The following FBP2 variants were observed in gnomAD, a reference collection of about 807,000 sequenced individuals.
FBP2 encodes the protein fructose-bisphosphatase 2.
A neutral mutation model predicts 31.6 loss-of-function variants in FBP2; 27 were observed. That is an observed-to-expected ratio of 0.85 (90% confidence interval 0.63 to 1.18). FBP2 has a LOEUF of 1.18. Ranked by LOEUF, FBP2 falls within the 50% of genes most tolerant of loss-of-function variation. FBP2 has a pLI of 0.00. For missense variants in FBP2, 421 were observed against 436.1 expected (o/e 0.97, Z 0.31); for synonymous variants, 168 against 179.8 (o/e 0.93, Z 0.53).
chr9:94,571,223 A>C (rs1488697064), intron 4 of FBP2, among the ~76,000 whole-genome samples: 1 of 152,160 alleles, frequency 6.6e-6, no homozygotes, highest in Non-Finnish European at 1.5e-5. Flanking sequence ...CCTTAAGGAG[A>C]GGGCCTGAGT....
intron 3 of FBP2, among the ~76,000 whole-genome samples, chr9:94,572,234 A>C (rs542468991): frequency 2.0e-5 from 3 of 151,984 alleles, no homozygotes; most frequent in Non-Finnish European, 2.9e-5. Context: ...GGTACATCCA[A>C]CCGGTGCAAA....
intron 2 of FBP2, among the ~76,000 whole-genome samples, chr9:94,585,537 AG>A (rs545958747): frequency 1.3e-5 from 2 of 148,334 alleles, no homozygotes; most frequent in African/African-American, 2.5e-5. Context: ...GAGAGCCATG[AG>A]GGGGGGTCAC....
intron 1 of FBP2, among the ~76,000 whole-genome samples, chr9:94,592,100 C>T (rs1827510072): frequency 6.6e-6 from 1 of 152,182 alleles, no homozygotes; most frequent in South Asian, 2.1e-4. Flanking sequence ...GGCAAAGTCC[C>T]TGTCTACCGT....
chr9:94,588,690 G>A (rs774418868), intron 1 of FBP2, among the ~76,000 whole-genome samples: 5 of 152,078 alleles, frequency 3.3e-5, no homozygotes, highest in Admixed American at 6.5e-5. Context: ...TTCCACCCTC[G>A]CCCCTTCAGG....
At position 94,593,811 on chromosome 9, in the gene FBP2, G is replaced by T. The variant is rs527469627; in HGVS notation, c.-85C>A. On this transcript the variant is annotated 5_prime_UTR_variant, in exon 1 of 7. Transcript: ENST00000375337. ...GCTGCAGCTCCGCAGTGTGGAAGCC[G>T]ATAAGAAATCTGTGCTGGCCCTGCC... 6.1e-6 allele frequency: 9 copies of T among 1,469,518 alleles called. No individual in the cohort carries two copies. The East Asian group carries it at 1.2e-4, about 19-fold the overall frequency. The allele number at this position is 1,469,518 out of a possible 1,614,324, so 91.0% of individuals were successfully genotyped here. A position where few individuals can be genotyped will look rare whatever the true frequency, so the allele number is the denominator to read the frequency against.
intron 3 of FBP2, among the ~76,000 whole-genome samples, chr9:94,582,646 C>T (rs1827384184): frequency 6.7e-6 from 1 of 149,466 alleles, no homozygotes; most frequent in Non-Finnish European, 1.5e-5. Context: ...CTCCTGGGTT[C>T]ACGCCATTCT....
intron 5 of FBP2, among the ~76,000 whole-genome samples, chr9:94,564,372 G>A (rs937734599): frequency 6.6e-6 from 1 of 152,176 alleles, no homozygotes; most frequent in African/African-American, 2.4e-5. Context: ...TATGTTCACT[G>A]CAACACTATT....
Position 94,585,393 on chromosome 9 carries a change from G to A in FBP2, c.334-724C>T, listed in dbSNP as rs117510492. ...TGGGGTTTGTTTCCGGGGGGTCAGC[G>A]ATCCCGGCAGCAAGGCTGGATTTCA... is the stretch of plus-strand genomic sequence containing the variant. On this transcript the variant is annotated intron_variant, in intron 2 of 6. Coordinates refer to ENST00000375337, the MANE Select transcript of FBP2 (RefSeq NM_003837.4). Among the ~76,000 whole-genome samples, 9 of 152,246 alleles carry A rather than the reference G, an allele frequency of 5.9e-5. No homozygotes were observed. The East Asian group carries it at 1.2e-3, about 20-fold the overall frequency.
intron 1 of FBP2, among the ~76,000 whole-genome samples, chr9:94,591,612 A>G (rs116583769): frequency 0.03 from 4,512 of 152,286 alleles, 200 homozygotes; most frequent in African/African-American, 0.1. Context: ...GGGGGCTGAA[A>G]GGCTCCTCAA....
At chr9:94,590,695 A>C (rs1352665011) in intron 1 of FBP2, among the ~76,000 whole-genome samples, 1 of 152,188 alleles carries the variant, frequency 6.6e-6, no homozygotes, top group Non-Finnish European at 1.5e-5. Context: ...GAGCGAAAGA[A>C]CAAAGCCTCC....
chr9:94,559,157 G>C, intron 6 of FBP2, 25 bp from the exon 7 acceptor site: 1 of 1,598,098 alleles, frequency 6.3e-7, no homozygotes, highest in South Asian at 1.1e-5. Context: ...AGGCAGGTGA[G>C]TAAACTCTGC....
At chr9:94,573,874 T>C (rs1000957324) in intron 3 of FBP2, among the ~76,000 whole-genome samples, 2 of 152,230 alleles carry the variant, frequency 1.3e-5, no homozygotes, top group Non-Finnish European at 2.9e-5. Context: ...TTATCTTTTC[T>C]GGAAGAGACT....
intron 4 of FBP2, chr9:94,570,095 T>C (rs1334634128): frequency 3.3e-5 from 5 of 152,218 alleles, no homozygotes; most frequent in African/African-American, 1.2e-4. Context: ...CTTCCTTCTG[T>C]CATGTTGACA....
chr9:94,581,111 T>C (rs916858640), intron 3 of FBP2, among the ~76,000 whole-genome samples: 9 of 152,232 alleles, frequency 5.9e-5, no homozygotes, highest in Non-Finnish European at 1.0e-4. Context: ...TTCCTGTCAT[T>C]CTCAGAACTA....
chr9:94,593,767 AC>A lies in FBP2; in HGVS notation c.-42del. The A allele has an allele frequency of 6.2e-7, 1 of 1,607,134 alleles. No homozygotes were observed. The highest frequency in any genetic ancestry group is 8.5e-7 in the Non-Finnish European group (1 of 1,175,958). On this transcript the variant is annotated 5_prime_UTR_variant, in exon 1 of 7. Transcript: ENST00000375337. ...TCAAATCCTTTTCTCCCGGCAGGAAACCTTGCTTACTTCTGAGGGCTGCAGC... is the reference window on the plus strand; with the variant it reads ...TCAAATCCTTTTCTCCCGGCAGGAAACTTGCTTACTTCTGAGGGCTGCAGC...
chr9:94,582,181 G>A (rs1827377712), intron 3 of FBP2, among the ~76,000 whole-genome samples: 1 of 152,178 alleles, frequency 6.6e-6, no homozygotes, highest in Non-Finnish European at 1.5e-5. Context: ...CACACTGTGT[G>A]CCTTTATGTC....
intron 5 of FBP2, 105 bp from the exon 6 acceptor site, chr9:94,563,566 C>T: frequency 8.1e-7 from 1 of 1,240,716 alleles, no homozygotes; most frequent in Non-Finnish European, 1.1e-6. Context: ...CTTCTTGAAT[C>T]CCTATCCTCC....
Position 94,587,742 on chromosome 9 carries a change from G to T in FBP2, c.171-273C>A, listed in dbSNP as rs561979288. On this transcript the variant is annotated intron_variant, in intron 1 of 6. Coordinates refer to ENST00000375337, the MANE Select transcript of FBP2 (RefSeq NM_003837.4). Reference sequence around the variant, plus strand: ...TAAAACACAAACCCAGTCTCAGCACGAGGAGATGGAGCAGATGGGGGGACT... The same window carrying T: ...TAAAACACAAACCCAGTCTCAGCACTAGGAGATGGAGCAGATGGGGGGACT... 2.6e-5 allele frequency among the ~76,000 whole-genome samples: 4 copies of T among 152,162 alleles called. 1 individual carries two copies. Among genetic ancestry groups the T allele is most frequent in the African/African-American group, 9.7e-5 (4 of 41,430 alleles).
At chr9:94,565,926 A>G (rs763318480) in intron 5 of FBP2, among the ~76,000 whole-genome samples, 5 of 152,070 alleles carry the variant, frequency 3.3e-5, no homozygotes, top group Non-Finnish European at 7.4e-5. Flanking sequence ...ACACCCATTC[A>G]TTTTTACAAC....
Sources: gnomAD v4.1 joint callset for allele counts (sites outside exome capture counted in the v4.1 genomes callset) on GRCh38, gnomAD v4.1.1 for gene constraint, MANE v1.5 for transcripts, NCBI Gene and HGNC (gene_info 2026-07-23, HGNC 2026-07-21) for gene names.